FRMD4B: variants seen among roughly 807,000 people sequenced by gnomAD.
The protein encoded by FRMD4B is FERM domain-containing protein 4B.
FRMD4B carries 74 observed loss-of-function variants against 141.5 expected under a neutral mutation model. The ratio of observed to expected loss-of-function variants is 0.52; its 90% CI spans 0.43 to 0.63. The LOEUF (loss-of-function observed/expected upper bound fraction) is 0.63, where lower values mean the gene tolerates loss of function less well. FRMD4B is among the 30% of genes least tolerant of loss of function. The pLI is 0.00. For missense variants in FRMD4B, 1,366 were observed against 1,253.4 expected (o/e 1.09, Z -1.36); for synonymous variants, 506 against 467.9 (o/e 1.08, Z -1.05).
intron 2 of FRMD4B, among the ~76,000 whole-genome samples, chr3:69,393,329 C>CAGA: frequency 7.9e-6 from 1 of 126,192 alleles, no homozygotes; most frequent in Admixed American, 8.1e-5. Flanking sequence ...TGAAGAAGTA[C>CAGA]AAAAAAAAAA....
chr3:69,184,009 C>T (rs2092738852), intron 19 of FRMD4B, among the ~76,000 whole-genome samples: 2 of 152,270 alleles, frequency 1.3e-5, no homozygotes, highest in East Asian at 1.9e-4. Flanking sequence ...GATCCTCCCA[C>T]CTCAGCCTCC....
At chr3:69,202,221 T>C (rs553051336) in intron 11 of FRMD4B, among the ~76,000 whole-genome samples, 1 of 151,972 alleles carries the variant, frequency 6.6e-6, no homozygotes, top group African/African-American at 2.4e-5. Flanking sequence ...AGAAAAGTCA[T>C]GAAGGGATTT....
chr3:69,229,356 G>A (rs2093284729), intron 7 of FRMD4B, among the ~76,000 whole-genome samples: 1 of 151,938 alleles, frequency 6.6e-6, no homozygotes, highest in Non-Finnish European at 1.5e-5. Flanking sequence ...GGAAGAACAT[G>A]GCCTTATTTC....
intron 1 of FRMD4B, among the ~76,000 whole-genome samples, chr3:69,367,570 AAATATAT>A (rs1311343933): frequency 2.7e-5 from 4 of 146,936 alleles, no homozygotes; most frequent in Admixed American, 2.0e-4. Flanking sequence ...TTTACCCAAA[AAATATAT>A]CATTGACAAT....
At chr3:69,369,250 T>C (rs1203196083) in intron 1 of FRMD4B, among the ~76,000 whole-genome samples, 1 of 152,228 alleles carries the variant, frequency 6.6e-6, no homozygotes, top group African/African-American at 2.4e-5. Context: ...CATACATGTA[T>C]TTGTACATTT....
At chr3:69,320,165 T>A (rs1575727764) in intron 1 of FRMD4B, among the ~76,000 whole-genome samples, 2 of 152,166 alleles carry the variant, frequency 1.3e-5, no homozygotes, top group East Asian at 3.8e-4. Flanking sequence ...CTGAACAAGG[T>A]TACTCATGTA....
chr3:69,379,915 G>C (rs937115791), intron 1 of FRMD4B, among the ~76,000 whole-genome samples: 2 of 152,324 alleles, frequency 1.3e-5, no homozygotes, highest in Non-Finnish European at 2.9e-5. Flanking sequence ...GACTTTGCCC[G>C]CAAGCCATAG....
chr3:69,347,040 T>C (rs993988090), intron 1 of FRMD4B, among the ~76,000 whole-genome samples: 5 of 152,098 alleles, frequency 3.3e-5, no homozygotes, highest in Non-Finnish European at 5.9e-5. Flanking sequence ...GACTGGCAAA[T>C]TGGATAAAGA....
chr3:69,287,941 G>A (rs1700744882), intron 4 of FRMD4B, 105 bp from the exon 5 acceptor site: 3 of 605,622 alleles, frequency 5.0e-6, no homozygotes, highest in Non-Finnish European at 8.9e-6. Flanking sequence ...AGAAACCTGA[G>A]GAAGGTTGTG....
chr3:69,460,126 A>G (rs1349007127), intron 1 of FRMD4B, among the ~76,000 whole-genome samples: 1 of 152,142 alleles, frequency 6.6e-6, no homozygotes, highest in African/African-American at 2.4e-5. Context: ...TCCATCACAC[A>G]TGTCTATCAA....
intron 1 of FRMD4B, among the ~76,000 whole-genome samples, chr3:69,488,748 C>T (rs1480710427): frequency 1.3e-5 from 2 of 151,760 alleles, no homozygotes; most frequent in Non-Finnish European, 2.9e-5. Flanking sequence ...TAAAAATTAG[C>T]TGGGCATGGT....
chr3:69,300,611 T>C (rs1701182277), intron 4 of FRMD4B, among the ~76,000 whole-genome samples: 1 of 152,250 alleles, frequency 6.6e-6, no homozygotes, highest in South Asian at 2.1e-4. Flanking sequence ...ACTACCTAGA[T>C]GGTACTTGTT....
intron 1 of FRMD4B, among the ~76,000 whole-genome samples, chr3:69,443,383 T>C (rs1705367480): frequency 6.6e-6 from 1 of 152,236 alleles, no homozygotes; most frequent in African/African-American, 2.4e-5. Context: ...CATCTCCATC[T>C]GGCTGTTTGT....
At position 69,443,759 on chromosome 3, in the gene FRMD4B, A is replaced by G. The variant is rs950785684; in HGVS notation, c.-128-10998T>C. 7.5e-4 allele frequency among the ~76,000 whole-genome samples: 114 copies of G among 152,360 alleles called. 2 individuals are homozygous for G. Among genetic ancestry groups the G allele is most frequent in the African/African-American group, 2.7e-3 (111 of 41,592 alleles). On this transcript the variant is annotated intron_variant, in intron 1 of 5. Transcript: ENST00000459638. ...GAATTTGGTTTATAGTTTAAGCTTA[A>G]AGCAAGAATGATAATAGCCCTTCTG...
chr3:69,193,161 T>G (rs932275660), intron 17 of FRMD4B, among the ~76,000 whole-genome samples: 1 of 152,066 alleles, frequency 6.6e-6, no homozygotes, highest in Non-Finnish European at 1.5e-5. Flanking sequence ...CACAGAAATT[T>G]TAAATCAAGT....
chr3:69,351,070 T>C (rs143335375), intron 1 of FRMD4B, among the ~76,000 whole-genome samples: 9 of 152,152 alleles, frequency 5.9e-5, no homozygotes, highest in African/African-American at 1.9e-4. Flanking sequence ...TACAAAAGCT[T>C]CCTTTAAGGA....
intron 4 of FRMD4B, chr3:69,292,899 G>T: frequency 3.8e-6 from 1 of 261,822 alleles, no homozygotes; most frequent in African/African-American, 2.5e-5. Flanking sequence ...TTCTTAAGTT[G>T]AAGCCCATGG....
chr3:69,194,966 T>C, intron 16 of FRMD4B, 56 bp downstream of exon 16: 1 of 1,535,892 alleles, frequency 6.5e-7, no homozygotes, highest in Non-Finnish European at 8.9e-7. Context: ...TCCACTACAC[T>C]CAGACAGCTT....
intron 2 of FRMD4B, among the ~76,000 whole-genome samples, chr3:69,426,226 A>G (rs1351447834): frequency 6.6e-6 from 1 of 152,236 alleles, no homozygotes; most frequent in Non-Finnish European, 1.5e-5. Context: ...TGTTGCACCC[A>G]TATAGTTTGC....
Sources: gnomAD v4.1 joint callset for allele counts (sites outside exome capture counted in the v4.1 genomes callset) on GRCh38, gnomAD v4.1.1 for gene constraint, MANE v1.5 for transcripts, NCBI Gene and HGNC (gene_info 2026-07-23, HGNC 2026-07-21) for gene names.